The following ARHGAP42 variants were observed in gnomAD, a reference collection of about 807,000 sequenced individuals.
The protein encoded by ARHGAP42 is rho GTPase-activating protein 42.
In ARHGAP42, 63 loss-of-function variants were observed where a neutral mutation model predicts 125.0. The observed-to-expected ratio is 0.50, with a 90% confidence interval of 0.41 to 0.62. ARHGAP42 has a LOEUF of 0.62. Among genes scored for constraint, ARHGAP42 ranks in the 20% least tolerant of loss-of-function variants. The pLI is 0.00. For synonymous variants in ARHGAP42, 339 were observed against 351.0 expected, an observed-to-expected ratio of 0.97 and a Z score of 0.38; for missense variants, 766 against 1,024.2, an observed-to-expected ratio of 0.75 and a Z score of 3.44.
intron 17 of ARHGAP42, among the ~76,000 whole-genome samples, chr11:100,969,793 C>T (rs927497883): frequency 2.7e-4 from 41 of 152,032 alleles, no homozygotes; most frequent in African/African-American, 9.7e-4. Flanking sequence ...CTGTTTAAAT[C>T]TGATGTTTGG....
intron 1 of ARHGAP42, among the ~76,000 whole-genome samples, chr11:100,745,737 A>G (rs1018280457): frequency 6.6e-6 from 1 of 152,058 alleles, no homozygotes; most frequent in South Asian, 2.1e-4. Context: ...AGGCTATCCT[A>G]TTTTTCCCAA....
rs1311504420 is a variant in ARHGAP42, at chr11:100,976,922, T to C, written c.2344T>C (p.Leu782=). 1 of 1,551,370 alleles carries C rather than the reference T, an allele frequency of 6.4e-7. No homozygotes were observed. The highest frequency in any genetic ancestry group is 2.4e-5 in the East Asian group (1 of 40,926). ...PDLPPKMCRR[L]RLDTASSNGY... ...CCTGCCTCCGAAAATGTGCAGGAGA[T>C]TAAGACTAGACACTGCCTCAAGCAA... Residue 782 remains leucine (L), a synonymous_variant, in exon 21 of 24, where the codon TTA becomes CTA. Coordinates refer to ENST00000298815, the MANE Select transcript of ARHGAP42 (RefSeq NM_152432.4).
At chr11:100,867,871 C>T (rs1260114291) in intron 4 of ARHGAP42, among the ~76,000 whole-genome samples, 12 of 152,068 alleles carry the variant, frequency 7.9e-5, no homozygotes, top group South Asian at 2.1e-4. Context: ...AGCCATTGTA[C>T]GGTTACTAAT....
At chr11:100,972,102 C>A (rs1210847026) in intron 17 of ARHGAP42, among the ~76,000 whole-genome samples, 1 of 152,172 alleles carries the variant, frequency 6.6e-6, no homozygotes, top group Non-Finnish European at 1.5e-5. Flanking sequence ...AGCGTGGCAG[C>A]TTTCTCTTCC....
intron 4 of ARHGAP42, among the ~76,000 whole-genome samples, chr11:100,890,645 A>C (rs893346483): frequency 1.3e-5 from 2 of 152,214 alleles, no homozygotes; most frequent in Non-Finnish European, 2.9e-5. Flanking sequence ...ACTATTTCCA[A>C]CAGTATTTAT....
intron 1 of ARHGAP42, among the ~76,000 whole-genome samples, chr11:100,725,051 T>C (rs1861830378): frequency 6.6e-6 from 1 of 152,188 alleles, no homozygotes; most frequent in Non-Finnish European, 1.5e-5. Flanking sequence ...TTAAATTTCT[T>C]TGGAGATTTC....
intron 5 of ARHGAP42, among the ~76,000 whole-genome samples, chr11:100,915,570 A>G (rs1352532130): frequency 1.3e-5 from 2 of 152,246 alleles, no homozygotes; most frequent in African/African-American, 2.4e-5. Context: ...AAAGAGCTCT[A>G]GAGAATATAC....
chr11:100,792,789 G>C (rs1863596784), intron 2 of ARHGAP42, among the ~76,000 whole-genome samples: 1 of 144,668 alleles, frequency 6.9e-6, no homozygotes, highest in African/African-American at 2.6e-5. Flanking sequence ...GTCTCTCTCT[G>C]TCACCTAGGC....
chr11:100,723,968 G>T (rs974214580), intron 1 of ARHGAP42, among the ~76,000 whole-genome samples: 1 of 151,796 alleles, frequency 6.6e-6, no homozygotes, highest in Non-Finnish European at 1.5e-5. Flanking sequence ...ATTATGAATT[G>T]GTGTTGGATT....
chr11:100,701,172 G>A (rs34225168), intron 1 of ARHGAP42, among the ~76,000 whole-genome samples: 5,853 of 150,314 alleles, frequency 0.039, 181 homozygotes, highest in Middle Eastern at 0.058. Context: ...TGAGCAATAG[G>A]CCTCTAACCA....
intron 4 of ARHGAP42, among the ~76,000 whole-genome samples, chr11:100,892,028 G>A (rs777003339): frequency 6.6e-6 from 1 of 152,174 alleles, no homozygotes; most frequent in African/African-American, 2.4e-5. Context: ...ATTGGTATTA[G>A]TAGAGCATAA....
chr11:100,835,144 A>G (rs188660326), intron 3 of ARHGAP42, among the ~76,000 whole-genome samples: 13 of 152,152 alleles, frequency 8.5e-5, no homozygotes, highest in Non-Finnish European at 1.6e-4. Flanking sequence ...CCCATCCTCA[A>G]GGCCTTTGGA....
chr11:100,891,173 T>C (rs538357659), intron 4 of ARHGAP42, among the ~76,000 whole-genome samples: 7 of 152,094 alleles, frequency 4.6e-5, no homozygotes, highest in African/African-American at 1.4e-4. Flanking sequence ...CAAACATATG[T>C]TTCATAGGGT....
intron 8 of ARHGAP42, among the ~76,000 whole-genome samples, chr11:100,938,449 A>G (rs754563049): frequency 5.3e-5 from 8 of 152,100 alleles, no homozygotes; most frequent in East Asian, 3.9e-4. Context: ...TCCTCCCCCA[A>G]GACAATTTCC....
At chr11:100,947,266 A>G (rs11224535) in intron 10 of ARHGAP42, among the ~76,000 whole-genome samples, 134,029 of 151,904 alleles carry the variant, frequency 0.88, 59,222 homozygotes, top group East Asian at 1. Context: ...CTACTGCATA[A>G]AGAGGCTGTT....
Position 100,779,483 on chromosome 11 carries a change from T to C in ARHGAP42, c.250+9045T>C, listed in dbSNP as rs1024406090. ...AAAAAAAAAAATATATATATATATA[T>C]ATACACACACACACATATATACACG... On this transcript the variant is annotated intron_variant, in intron 2 of 23. Transcript: ENST00000298815. Among the ~76,000 whole-genome samples, 55 of 76,080 alleles carry C rather than the reference T, an allele frequency of 7.2e-4. 1 individual carries two copies. The highest frequency in any genetic ancestry group is 1.4e-3 in the East Asian group (4 of 2,932). The allele number at this position is 76,080 out of a possible 152,430, so 49.9% of individuals were successfully genotyped here.
At chr11:100,922,326 C>T (rs1867303819) in intron 6 of ARHGAP42, among the ~76,000 whole-genome samples, 1 of 152,050 alleles carries the variant, frequency 6.6e-6, no homozygotes, top group South Asian at 2.1e-4. Flanking sequence ...ATGTAAACCG[C>T]GTTACAGAAA....
chr11:100,726,203 TG>T (rs1861858864), intron 1 of ARHGAP42, among the ~76,000 whole-genome samples: 1 of 152,078 alleles, frequency 6.6e-6, no homozygotes, highest in African/African-American at 2.4e-5. Flanking sequence ...AAAGAAGAGA[TG>T]TAACGAGCAA....
chr11:100,735,487 T>G (rs1441736189), intron 1 of ARHGAP42, among the ~76,000 whole-genome samples: 1 of 152,144 alleles, frequency 6.6e-6, no homozygotes, highest in Non-Finnish European at 1.5e-5. Context: ...AGGAAATCAC[T>G]TTAAGTCATC....
Sources: allele counts gnomAD v4.1 joint callset (sites outside exome capture counted in the v4.1 genomes callset), GRCh38; gene constraint gnomAD v4.1.1; transcripts MANE v1.5; gene names NCBI Gene and HGNC (gene_info 2026-07-23, HGNC 2026-07-21).